Variants in DLG2 observed in about 807,000 individuals in gnomAD.
The protein encoded by DLG2 is discs large MAGUK scaffold protein 2.
A neutral mutation model predicts 132.5 loss-of-function variants in DLG2; 45 were observed. The observed-to-expected ratio is 0.34, with a 90% CI of 0.27 to 0.44. The LOEUF is 0.44. Ranked by LOEUF, DLG2 falls within the 20% of genes least tolerant of loss-of-function variation. DLG2 has a pLI of 1.00. For missense variants in DLG2, 1,045 were observed against 1,196.9 expected (o/e 0.87, Z 1.87); for synonymous variants, 424 against 419.6 (o/e 1.01, Z -0.13).
Position 85,357,238 on chromosome 11 carries a change from TTGTGTGTGTGTGTG to T in DLG2, c.41-71887_41-71874del, listed in dbSNP as rs71036472. 8.9e-4 allele frequency among the ~76,000 whole-genome samples: 105 copies of T among 118,200 alleles called. 1 individual carries two copies. Among genetic ancestry groups the T allele is most frequent in the African/African-American group, 1.9e-3 (60 of 31,356 alleles). 77.5% of individuals were successfully genotyped at this position (118,200 alleles called of 152,430 possible). A position where few individuals can be genotyped will look rare whatever the true frequency, so the allele number is the denominator to read the frequency against. ...TATCAGATTCCTTTCAATATCCTCT[TTGTGTGTGTGTGTG>T]TGTGTGTGTGTGTGTGTGTGTGTGT... On this transcript the variant is annotated intron_variant, in intron 3 of 27. Coordinates refer to ENST00000376104, the MANE Select transcript of DLG2 (RefSeq NM_001142699.3).
At chr11:84,617,417 C>T (rs1447241501) in intron 6 of DLG2, among the ~76,000 whole-genome samples, 1 of 152,040 alleles carries the variant, frequency 6.6e-6, no homozygotes, top group Admixed American at 6.5e-5. Context: ...CAAGTCTTTG[C>T]TATTATAAAC....
intron 4 of DLG2, among the ~76,000 whole-genome samples, chr11:85,278,751 A>G (rs2078049668): frequency 6.6e-6 from 1 of 152,164 alleles, no homozygotes; most frequent in African/African-American, 2.4e-5. Context: ...AAACCCACCC[A>G]GCTATGAAAC....
chr11:84,101,659 G>A (rs2092537307), intron 9 of DLG2, among the ~76,000 whole-genome samples: 1 of 152,066 alleles, frequency 6.6e-6, no homozygotes, highest in Non-Finnish European at 1.5e-5. Context: ...AGTTCTCTAA[G>A]ATCCAGAGGT....
At chr11:85,108,552 A>G (rs1438419280) in intron 6 of DLG2, among the ~76,000 whole-genome samples, 2 of 80,108 alleles carry the variant, frequency 2.5e-5, no homozygotes, top group Non-Finnish European at 4.6e-5. Context: ...TTAACCGCCC[A>G]TTTTTTTTAT....
chr11:84,173,550 G>A (rs941677508), intron 8 of DLG2, among the ~76,000 whole-genome samples: 1 of 152,178 alleles, frequency 6.6e-6, no homozygotes, highest in Admixed American at 6.5e-5. Flanking sequence ...TGGGTGCTAA[G>A]CCAAAAGATG....
chr11:83,979,886 T>C (rs905859547), intron 12 of DLG2, among the ~76,000 whole-genome samples: 6 of 152,166 alleles, frequency 3.9e-5, no homozygotes, highest in African/African-American at 1.4e-4. Context: ...GGAGACACAT[T>C]ATGTTGGAAG....
chr11:85,312,458 TAA>T (rs2080375305), intron 3 of DLG2, among the ~76,000 whole-genome samples: 1 of 151,432 alleles, frequency 6.6e-6, no homozygotes, highest in African/African-American at 2.4e-5. Flanking sequence ...TTATAATTTA[TAA>T]ACTTACCATA....
Position 83,986,339 on chromosome 11 carries a change from T to C in DLG2, c.920-5697A>G, listed in dbSNP as rs551968524. Among the ~76,000 whole-genome samples the C allele has an allele frequency of 1.2e-4, 18 of 152,192 alleles. No individual in the cohort carries two copies. In the South Asian group the frequency reaches 1.7e-3, roughly 14 times the overall value. On this transcript the variant is annotated intron_variant, in intron 11 of 27. Coordinates refer to ENST00000376104, the MANE Select transcript of DLG2 (RefSeq NM_001142699.3). Reference sequence around the variant, plus strand: ...GTTTTTTGTTCTTGCAATAGTTTACTGAGAGTGATGATTTCCAATTTCATC... The same window carrying C: ...GTTTTTTGTTCTTGCAATAGTTTACCGAGAGTGATGATTTCCAATTTCATC...
chr11:84,873,348 C>G (rs1430128484), intron 6 of DLG2, among the ~76,000 whole-genome samples: 1 of 152,196 alleles, frequency 6.6e-6, no homozygotes, highest in Non-Finnish European at 1.5e-5. Context: ...AACAGATTCT[C>G]TCCCAGAACC....
intron 8 of DLG2, among the ~76,000 whole-genome samples, chr11:84,244,874 C>G (rs1294293033): frequency 1.3e-5 from 2 of 152,304 alleles, no homozygotes; most frequent in South Asian, 2.1e-4. Flanking sequence ...TCCTTTCTTT[C>G]CCATCAGAGG....
chr11:85,270,162 A>G (rs1457725571), intron 4 of DLG2, among the ~76,000 whole-genome samples: 6 of 152,190 alleles, frequency 3.9e-5, no homozygotes, highest in African/African-American at 1.4e-4. Context: ...AACTCCCATA[A>G]TTCCCACATG....
chr11:83,589,803 A>G (rs2097155956), intron 19 of DLG2, among the ~76,000 whole-genome samples: 1 of 147,210 alleles, frequency 6.8e-6, no homozygotes, highest in Admixed American at 6.9e-5. Context: ...AAGATCTACC[A>G]AGCAAATGGA....
intron 17 of DLG2, among the ~76,000 whole-genome samples, chr11:83,831,300 C>T (rs1226603529): frequency 2.0e-5 from 3 of 152,188 alleles, no homozygotes; most frequent in Non-Finnish European, 4.4e-5. Flanking sequence ...GAATGATGCT[C>T]AGCTCTTGGA....
chr11:85,121,767 C>T (rs1438648471), intron 5 of DLG2, among the ~76,000 whole-genome samples: 2 of 152,172 alleles, frequency 1.3e-5, no homozygotes, highest in African/African-American at 2.4e-5. Context: ...TGTCTCTTAA[C>T]TGAATAGTTT....
intron 11 of DLG2, among the ~76,000 whole-genome samples, chr11:84,019,400 A>G (rs891328598): frequency 1.3e-5 from 2 of 152,168 alleles, no homozygotes; most frequent in Non-Finnish European, 2.9e-5. Flanking sequence ...ATGAACTAGA[A>G]GGGTGAAACA....
intron 3 of DLG2, among the ~76,000 whole-genome samples, chr11:85,510,760 T>C (rs1300739814): frequency 2.6e-5 from 4 of 152,150 alleles, no homozygotes; most frequent in Non-Finnish European, 1.5e-5. Context: ...AGGAACACTT[T>C]TACACTGTTG....
intron 19 of DLG2, among the ~76,000 whole-genome samples, chr11:83,592,179 C>T (rs1274654790): frequency 2.7e-5 from 4 of 150,316 alleles, no homozygotes; most frequent in South Asian, 2.1e-4. Context: ...GAGCCCGCAT[C>T]GCCAAGGCAA....
intron 6 of DLG2, chr11:85,021,656 T>A: frequency 8.6e-7 from 1 of 1,165,884 alleles, no homozygotes; most frequent in Non-Finnish European, 1.3e-6. Context: ...CTAGCCATTG[T>A]GTTTGATGAT....
chr11:85,498,849 G>T (rs1385068667), intron 3 of DLG2, among the ~76,000 whole-genome samples: 1 of 152,106 alleles, frequency 6.6e-6, no homozygotes, highest in Non-Finnish European at 1.5e-5. Flanking sequence ...TGACTACTGG[G>T]TAAATAATGA....
Sources: gnomAD v4.1 joint callset for allele counts (sites outside exome capture counted in the v4.1 genomes callset) on GRCh38, gnomAD v4.1.1 for gene constraint, MANE v1.5 for transcripts, NCBI Gene and HGNC (gene_info 2026-07-23, HGNC 2026-07-21) for gene names.